SLC9A9: variants seen among roughly 807,000 people sequenced by gnomAD.
SLC9A9 encodes solute carrier family 9 member A9, also known as sodium/hydrogen exchanger 9.
Under a neutral mutation model 77.8 loss-of-function variants are expected in SLC9A9, and 62 were observed. That is an observed-to-expected ratio of 0.80 (90% CI 0.65 to 0.98). The LOEUF is 0.98. SLC9A9 is among the 50% of genes least tolerant of loss of function. The pLI, the probability that SLC9A9 is intolerant of heterozygous loss-of-function variation, is 0.00. For synonymous variants in SLC9A9, 320 were observed against 283.5 expected (o/e 1.13, Z -1.29); for missense variants, 775 against 774.9 (o/e 1.00, Z 0.00).
intron 6 of SLC9A9, among the ~76,000 whole-genome samples, chr3:143,624,252 C>T (rs1054079751): frequency 1.3e-5 from 2 of 152,180 alleles, no homozygotes; most frequent in Non-Finnish European, 2.9e-5. Context: ...GGAATCCTCC[C>T]TAACTCATTT....
At chr3:143,625,582 A>C (rs1391982689) in intron 6 of SLC9A9, among the ~76,000 whole-genome samples, 1 of 151,694 alleles carries the variant, frequency 6.6e-6, no homozygotes. Context: ...CTGAAACTGG[A>C]TCCCTTCCTT....
chr3:143,650,084 T>C (rs1355306569), intron 6 of SLC9A9, among the ~76,000 whole-genome samples: 1 of 152,090 alleles, frequency 6.6e-6, no homozygotes, highest in Non-Finnish European at 1.5e-5. Flanking sequence ...AAGACTTGAT[T>C]AGGCAGAAAC....
chr3:143,804,636 C>T (rs993424782), intron 2 of SLC9A9, among the ~76,000 whole-genome samples: 4 of 152,202 alleles, frequency 2.6e-5, no homozygotes, highest in African/African-American at 7.2e-5. Context: ...CAGGCACATG[C>T]TCACTAGTTT....
chr3:143,540,993 A>G (rs1446215874), intron 9 of SLC9A9, among the ~76,000 whole-genome samples: 1 of 152,216 alleles, frequency 6.6e-6, no homozygotes, highest in East Asian at 1.9e-4. Flanking sequence ...AATTAAAAGC[A>G]CTATCAAACA....
At chr3:143,627,575 CT>C in intron 6 of SLC9A9, 2 of 325,372 alleles carry the variant, frequency 6.1e-6, no homozygotes, top group East Asian at 9.0e-5. Context: ...AGCGGTGGTT[CT>C]TTTCTGGCAG....
chr3:143,739,044 T>C (rs1280432711), intron 4 of SLC9A9, among the ~76,000 whole-genome samples: 1 of 152,116 alleles, frequency 6.6e-6, no homozygotes, highest in Non-Finnish European at 1.5e-5. Context: ...GAACTCAATC[T>C]CCAGCCTGTC....
In SLC9A9 at chr3:143,288,267, A is replaced by C. The variant is rs181578445; in HGVS notation, c.1605-19287T>G. On this transcript the variant is annotated intron_variant, in intron 14 of 15. Coordinates refer to ENST00000316549, the MANE Select transcript of SLC9A9 (RefSeq NM_173653.4). ...AGCCTGGGCTCCAGTTATTAAAAAA[A>C]AAAACAAAACAAAACCAAAGAACAT... Among the ~76,000 whole-genome samples the C allele has an allele frequency of 2.5e-3, 383 of 152,148 alleles. 3 individuals are homozygous for C. The highest frequency in any genetic ancestry group is 8.5e-3 in the African/African-American group (354 of 41,518).
chr3:143,602,029 T>A (rs979935594), intron 6 of SLC9A9, among the ~76,000 whole-genome samples: 3 of 152,198 alleles, frequency 2.0e-5, no homozygotes, highest in Non-Finnish European at 2.9e-5. Flanking sequence ...TACAGCAGTA[T>A]TCCCATGTCC....
chr3:143,326,661 A>T (rs1392606852), intron 14 of SLC9A9, among the ~76,000 whole-genome samples: 1 of 152,174 alleles, frequency 6.6e-6, no homozygotes, highest in Non-Finnish European at 1.5e-5. Context: ...TCTCTAATGT[A>T]ATTCCCCACT....
chr3:143,323,848 T>C (rs890537135), intron 14 of SLC9A9, among the ~76,000 whole-genome samples: 5 of 152,224 alleles, frequency 3.3e-5, no homozygotes, highest in African/African-American at 1.2e-4. Context: ...ACAGCTCCAT[T>C]TATAATACAT....
chr3:143,317,797 G>T (rs1403519532), intron 14 of SLC9A9, among the ~76,000 whole-genome samples: 1 of 152,066 alleles, frequency 6.6e-6, no homozygotes, highest in Admixed American at 6.6e-5. Flanking sequence ...GAGTGATCTT[G>T]GCTCACTGCA....
intron 12 of SLC9A9, among the ~76,000 whole-genome samples, chr3:143,397,330 G>A (rs543145625): frequency 4.7e-4 from 71 of 152,274 alleles, no homozygotes; most frequent in Non-Finnish European, 8.4e-4. Flanking sequence ...AAGTGGATTC[G>A]CTTTTTAAAA....
chr3:143,568,046 A>G (rs2037197858), intron 8 of SLC9A9, among the ~76,000 whole-genome samples: 1 of 152,168 alleles, frequency 6.6e-6, no homozygotes, highest in Admixed American at 6.6e-5. Flanking sequence ...TTTGCAAGTA[A>G]TAAAAACAGA....
At chr3:143,591,937 G>A (rs146346387) in intron 6 of SLC9A9, among the ~76,000 whole-genome samples, 1 of 152,356 alleles carries the variant, frequency 6.6e-6, no homozygotes, top group Non-Finnish European at 1.5e-5. Flanking sequence ...TCAGTAGCAT[G>A]TGAACAACAA....
At chr3:143,691,587 CA>C (rs564485369) in intron 5 of SLC9A9, among the ~76,000 whole-genome samples, 19 of 152,206 alleles carry the variant, frequency 1.2e-4, no homozygotes, top group Non-Finnish European at 1.9e-4. Context: ...CAAAACTAAA[CA>C]AACATCCCCC....
In SLC9A9 at chr3:143,816,470, C is replaced by T. The variant is rs74347926; in HGVS notation, c.378+15549G>A. On this transcript the variant is annotated intron_variant, in intron 2 of 15. Coordinates refer to ENST00000316549, the MANE Select transcript of SLC9A9 (RefSeq NM_173653.4). Reference sequence around the variant, plus strand: ...AAGGCATCCTCTTGCCTTTCACATTCAACATAGTTTTTGAGATTTATGTAT... The same window carrying T: ...AAGGCATCCTCTTGCCTTTCACATTTAACATAGTTTTTGAGATTTATGTAT... Among the ~76,000 whole-genome samples the T allele has an allele frequency of 7.4e-3, 1,133 of 152,338 alleles. 14 individuals carry two copies. Among genetic ancestry groups the T allele is most frequent in the African/African-American group, 0.026 (1,077 of 41,572 alleles).
At chr3:143,393,207 C>A (rs2033614504) in intron 12 of SLC9A9, among the ~76,000 whole-genome samples, 2 of 152,138 alleles carry the variant, frequency 1.3e-5, no homozygotes, top group Non-Finnish European at 2.9e-5. Flanking sequence ...TAAAGCACTC[C>A]TCAGCAAATG....
chr3:143,576,940 CTG>C (rs1457667872), intron 7 of SLC9A9, among the ~76,000 whole-genome samples: 4 of 152,160 alleles, frequency 2.6e-5, no homozygotes, highest in African/African-American at 9.7e-5. Flanking sequence ...TAGCCTTTGA[CTG>C]TCTCCTTTTC....
chr3:143,409,947 G>A (rs917861266), intron 12 of SLC9A9, among the ~76,000 whole-genome samples: 1 of 152,212 alleles, frequency 6.6e-6, no homozygotes, highest in Non-Finnish European at 1.5e-5. Flanking sequence ...GAATTTAACA[G>A]TCATTGAACA....
Sources: allele counts gnomAD v4.1 joint callset (sites outside exome capture counted in the v4.1 genomes callset), GRCh38; gene constraint gnomAD v4.1.1; transcripts MANE v1.5; gene names NCBI Gene and HGNC (gene_info 2026-07-23, HGNC 2026-07-21).